Variants in DPP10 observed in about 807,000 individuals in gnomAD.
DPP10 encodes dipeptidyl peptidase like 10.
DPP10 carries 33 observed loss-of-function variants against 120.9 expected under a neutral mutation model. The observed-to-expected ratio is 0.27, with a 90% CI of 0.21 to 0.37. The LOEUF is 0.37. Ranked by LOEUF, DPP10 falls within the 10% of genes least tolerant of loss-of-function variation. The pLI, the probability that DPP10 is intolerant of heterozygous loss-of-function variation, is 1.00. For synonymous variants in DPP10, 337 were observed against 326.1 expected (o/e 1.03, Z -0.36); for missense variants, 816 against 942.8 (o/e 0.87, Z 1.76).
At chr2:114,694,889 T>G (rs763012653) in intron 1 of DPP10, among the ~76,000 whole-genome samples, 1 of 151,924 alleles carries the variant, frequency 6.6e-6, no homozygotes, top group African/African-American at 2.4e-5. Context: ...ACAAAAGGAC[T>G]TGGGAGAAGA....
intron 1 of DPP10, among the ~76,000 whole-genome samples, chr2:114,781,743 A>C (rs112430544): frequency 0.02 from 3,088 of 152,134 alleles, 63 homozygotes; most frequent in Middle Eastern, 0.045. Flanking sequence ...AAAAGGGCCA[A>C]GCCTCGTGAT....
At chr2:115,748,328 C>T (rs905158261) in intron 10 of DPP10, among the ~76,000 whole-genome samples, 1 of 150,798 alleles carries the variant, frequency 6.6e-6, no homozygotes, top group Non-Finnish European at 1.5e-5. Context: ...TATTATGTTT[C>T]TCAGTACAGT....
intron 1 of DPP10, among the ~76,000 whole-genome samples, chr2:114,872,728 A>G (rs1432831253): frequency 6.6e-6 from 1 of 152,196 alleles, no homozygotes; most frequent in African/African-American, 2.4e-5. Flanking sequence ...TAAGCCCACA[A>G]GCTAACCCTA....
chr2:115,177,762 T>TTG (rs59235869), intron 1 of DPP10, among the ~76,000 whole-genome samples: 9,924 of 150,802 alleles, frequency 0.066, 613 homozygotes, highest in East Asian at 0.38. Flanking sequence ...TTGTTTTTGT[T>TTG]TTTGTTTGTT....
chr2:115,162,202 C>A, intron 1 of DPP10: 1 of 1,554,052 alleles, frequency 6.4e-7, no homozygotes, highest in Non-Finnish European at 8.7e-7. Context: ...GAAGTTAGAG[C>A]CTCTGCGTGC....
At chr2:115,345,574 A>G (rs2063672105) in intron 3 of DPP10, among the ~76,000 whole-genome samples, 1 of 152,158 alleles carries the variant, frequency 6.6e-6, no homozygotes, top group Non-Finnish European at 1.5e-5. Flanking sequence ...TTTATTCACC[A>G]TGTTTTTGGA....
chr2:114,971,884 T>C (rs1995847), intron 1 of DPP10, among the ~76,000 whole-genome samples: 149,428 of 152,250 alleles, frequency 0.98, 73,382 homozygotes, highest in East Asian at 1. Context: ...ACTTCCATGA[T>C]GCACACCTTG....
chr2:115,218,984 C>T (rs1055289959), intron 1 of DPP10, among the ~76,000 whole-genome samples: 2 of 152,134 alleles, frequency 1.3e-5, no homozygotes, highest in Admixed American at 1.3e-4. Context: ...ATACCCATCA[C>T]ACTGAGTACT....
chr2:115,468,281 G>T (rs2074457943), intron 3 of DPP10: 1 of 511,666 alleles, frequency 2.0e-6, no homozygotes, highest in Admixed American at 2.0e-5. Context: ...TCAGTGTCAT[G>T]TCCTCCAGGA....
intron 3 of DPP10, among the ~76,000 whole-genome samples, chr2:115,373,153 C>A (rs1229684096): frequency 6.6e-6 from 1 of 152,158 alleles, no homozygotes; most frequent in Admixed American, 6.5e-5. Flanking sequence ...AAAGTAGAAG[C>A]AATAGCTCTT....
chr2:115,353,719 A>G (rs1190449630), intron 3 of DPP10, among the ~76,000 whole-genome samples: 1 of 152,122 alleles, frequency 6.6e-6, no homozygotes, highest in African/African-American at 2.4e-5. Context: ...CAGGATGGGC[A>G]TTATTTTTGT....
intron 1 of DPP10, among the ~76,000 whole-genome samples, chr2:115,308,450 C>A (rs938701554): frequency 6.6e-6 from 1 of 152,118 alleles, no homozygotes; most frequent in African/African-American, 2.4e-5. Context: ...AGCTGACTTT[C>A]ATTTCAAATC....
At chr2:114,739,735 G>C (rs1036798405) in intron 1 of DPP10, among the ~76,000 whole-genome samples, 1 of 152,116 alleles carries the variant, frequency 6.6e-6, no homozygotes, top group Admixed American at 6.6e-5. Context: ...TGGTGGCAAC[G>C]TTTAGATTTT....
intron 9 of DPP10, 87 bp from the exon 10 acceptor site, chr2:115,745,999 A>C (rs1216729702): frequency 1.0e-6 from 1 of 969,740 alleles, no homozygotes; most frequent in African/African-American, 1.7e-5. Context: ...AACACAAAAC[A>C]GTAAATGAAT....
chr2:115,737,557 C>T (rs1238058157), intron 8 of DPP10, among the ~76,000 whole-genome samples: 1 of 152,082 alleles, frequency 6.6e-6, no homozygotes, highest in African/African-American at 2.4e-5. Flanking sequence ...TCTCTATTTG[C>T]CATGGGCACT....
intron 4 of DPP10, among the ~76,000 whole-genome samples, chr2:115,516,969 G>A (rs758292605): frequency 5.5e-4 from 84 of 152,230 alleles, no homozygotes; most frequent in Middle Eastern, 3.4e-3. Flanking sequence ...ATGTTACCAT[G>A]TATTGGAAAG....
intron 1 of DPP10, among the ~76,000 whole-genome samples, chr2:114,930,326 G>T (rs981703505): frequency 6.6e-6 from 1 of 151,836 alleles, no homozygotes; most frequent in Non-Finnish European, 1.5e-5. Context: ...CCATCTTTAG[G>T]TCATTTCCTC....
chr2:115,380,571 A>G (rs201906449), intron 3 of DPP10, among the ~76,000 whole-genome samples: 4 of 151,270 alleles, frequency 2.6e-5, no homozygotes, highest in Non-Finnish European at 5.9e-5. Flanking sequence ...TAATATTGTT[A>G]TGTGTGAATT....
chr2:115,750,237 A>G (rs1013908965), intron 10 of DPP10: 24 of 974,794 alleles, frequency 2.5e-5, no homozygotes, highest in Non-Finnish European at 2.8e-5. Context: ...CAGCCTGAAT[A>G]CTTATGAGTA....
Sources: allele counts gnomAD v4.1 joint callset (sites outside exome capture counted in the v4.1 genomes callset), GRCh38; gene constraint gnomAD v4.1.1; transcripts MANE v1.5; gene names NCBI Gene and HGNC (gene_info 2026-07-23, HGNC 2026-07-21).